The following OSBPL11 variants were observed in gnomAD, a reference collection of about 807,000 sequenced individuals.
The protein encoded by OSBPL11 is oxysterol-binding protein-related protein 11.
Under a neutral mutation model 84.4 loss-of-function variants are expected in OSBPL11, and 33 were observed. The observed-to-expected ratio is 0.39, with a 90% CI of 0.30 to 0.52. The LOEUF is 0.52. OSBPL11 is among the 20% of genes least tolerant of loss of function. The probability of loss-of-function intolerance (pLI) is 0.72; values close to 1 mark genes in which losing one functional copy is unlikely to be tolerated. For synonymous variants in OSBPL11, 276 were observed against 310.2 expected (o/e 0.89, Z 1.16); for missense variants, 736 against 901.1 (o/e 0.82, Z 2.35).
chr3:125,535,049 A>G (rs72979705), intron 11 of OSBPL11, among the ~76,000 whole-genome samples: 14,222 of 150,336 alleles, frequency 0.095, 1,377 homozygotes, highest in African/African-American at 0.25. Context: ...GAAAGAAAAC[A>G]AACATAGATT....
intron 10 of OSBPL11, among the ~76,000 whole-genome samples, chr3:125,540,054 C>T (rs983985994): frequency 6.6e-6 from 1 of 152,092 alleles, no homozygotes; most frequent in Non-Finnish European, 1.5e-5. Flanking sequence ...GAACTCAGCT[C>T]AAGGCAGAGG....
Position 125,585,666 on chromosome 3 carries a change from T to C in OSBPL11, c.165-2688A>G, listed in dbSNP as rs576596715. 1.2e-4 allele frequency among the ~76,000 whole-genome samples: 19 copies of C among 152,308 alleles called. No individual in the cohort carries two copies. The South Asian group carries it at 3.7e-3, about 30-fold the overall frequency. ...TTATTTTTATTATATAAAACAGCTG[T>C]CTCCAGGTTACAAAGAACCAACTTG... On this transcript the variant is annotated intron_variant, in intron 1 of 12. Transcript: ENST00000296220.
chr3:125,571,633 T>C (rs911445481), intron 5 of OSBPL11, among the ~76,000 whole-genome samples: 2 of 152,174 alleles, frequency 1.3e-5, no homozygotes, highest in African/African-American at 2.4e-5. Flanking sequence ...GGGGTCAACG[T>C]AGAGCTCGTC....
chr3:125,556,865 G>A (rs1935997721), intron 8 of OSBPL11, among the ~76,000 whole-genome samples: 1 of 152,124 alleles, frequency 6.6e-6, no homozygotes, highest in Admixed American at 6.5e-5. Context: ...TAAATTAGAG[G>A]GGAACTCAGA....
intron 9 of OSBPL11, among the ~76,000 whole-genome samples, chr3:125,549,425 A>G (rs1420659870): frequency 6.6e-6 from 1 of 152,172 alleles, no homozygotes; most frequent in Non-Finnish European, 1.5e-5. Context: ...AATTATTTAC[A>G]TACCTCCTTT....
At chr3:125,568,046 T>C (rs1305716383) in intron 5 of OSBPL11, among the ~76,000 whole-genome samples, 2 of 148,654 alleles carry the variant, frequency 1.3e-5, no homozygotes, top group Non-Finnish European at 3.0e-5. Flanking sequence ...TAAAAGTTCG[T>C]TTGGCTATCT....
intron 1 of OSBPL11, among the ~76,000 whole-genome samples, chr3:125,588,477 C>G (rs1436686287): frequency 6.6e-6 from 1 of 152,132 alleles, no homozygotes; most frequent in Non-Finnish European, 1.5e-5. Context: ...CTATATATAT[C>G]TACCTATTGG....
chr3:125,566,551 A>T (rs1018387265), intron 6 of OSBPL11, among the ~76,000 whole-genome samples: 2 of 152,114 alleles, frequency 1.3e-5, no homozygotes, highest in Non-Finnish European at 2.9e-5. Flanking sequence ...ACCTTTCTAA[A>T]ATACCTTTCT....
At position 125,529,809 on chromosome 3, in the gene OSBPL11, A is replaced by G. The variant is rs960586646; in HGVS notation, c.*706T>C. 3.3e-5 allele frequency: 5 copies of G among 152,656 alleles called. No homozygotes were observed. Among genetic ancestry groups the G allele is most frequent in the African/African-American group, 1.2e-4 (5 of 41,448 alleles). 9.5% of individuals were successfully genotyped at this position (152,656 alleles called of 1,614,324 possible). A position where few individuals can be genotyped will look rare whatever the true frequency, so the allele number is the denominator to read the frequency against. ...AAATGTTCTGAAATTTTTCAAGTCA[A>G]TGTTGTTTTCAAGTATATTAAAATG... On this transcript the variant is annotated 3_prime_UTR_variant, in exon 13 of 13. Coordinates refer to ENST00000296220, the MANE Select transcript of OSBPL11 (RefSeq NM_022776.5).
chr3:125,569,229 G>A (rs1324654904), intron 5 of OSBPL11, among the ~76,000 whole-genome samples: 6 of 152,028 alleles, frequency 3.9e-5, no homozygotes, highest in East Asian at 3.9e-4. Flanking sequence ...GATTACAGGC[G>A]TGAGTCACTG....
chr3:125,568,202 C>A (rs1936189801), intron 5 of OSBPL11, among the ~76,000 whole-genome samples: 1 of 152,054 alleles, frequency 6.6e-6, no homozygotes, highest in East Asian at 1.9e-4. Flanking sequence ...GAGGCCGAGG[C>A]AGGCAGATCA....
chr3:125,574,480 G>GT (rs56689283), intron 5 of OSBPL11, among the ~76,000 whole-genome samples: 16,995 of 135,326 alleles, frequency 0.13, 1,047 homozygotes, highest in African/African-American at 0.14. Context: ...CTGATTAGCA[G>GT]TTTTTTTTTT....
In OSBPL11 at chr3:125,547,147, T is replaced by A. The variant is rs576937552; in HGVS notation, c.1841+259A>T. On this transcript the variant is annotated intron_variant, in intron 10 of 12. Transcript: ENST00000296220. ...GCAGAATTGGGCCAGAGACTGCATG[T>A]TCACTTGTTAGAAATTCTACTATAA... Among the ~76,000 whole-genome samples, 30 of 152,338 alleles carry A rather than the reference T, an allele frequency of 2.0e-4. No homozygotes were observed. The South Asian group carries it at 6.2e-3, about 32-fold the overall frequency.
In OSBPL11 at chr3:125,529,867, C is replaced by T. The variant is rs961042642; in HGVS notation, c.*648G>A. 1.3e-5 allele frequency: 2 copies of T among 152,670 alleles called. No individual in the cohort carries two copies. Among genetic ancestry groups the T allele is most frequent in the Middle Eastern group, 3.4e-3 (1 of 294 alleles). 9.5% of individuals were successfully genotyped at this position (152,670 alleles called of 1,614,324 possible). On this transcript the variant is annotated 3_prime_UTR_variant, in exon 13 of 13. Transcript: ENST00000296220. ...GAAAAAATTCTCCATGGTTATAATT[C>T]TGATCAATCTATAAATGTACTTTTT...
chr3:125,547,230 C>T (rs1935833394), intron 10 of OSBPL11, among the ~76,000 whole-genome samples, 176 bp downstream of exon 10: 1 of 152,124 alleles, frequency 6.6e-6, no homozygotes, highest in South Asian at 2.1e-4. Context: ...AATGTTACTA[C>T]TTTTAAAAAC....
intron 8 of OSBPL11, among the ~76,000 whole-genome samples, chr3:125,555,931 C>T (rs1029682412): frequency 2.0e-5 from 3 of 152,186 alleles, no homozygotes; most frequent in East Asian, 3.9e-4. Flanking sequence ...GATCTGCCTG[C>T]TTTGGCCTCC....
intron 8 of OSBPL11, among the ~76,000 whole-genome samples, chr3:125,557,791 C>CTTTTTTTTTT (rs11295103): frequency 1.2e-5 from 1 of 81,976 alleles, no homozygotes; most frequent in Non-Finnish European, 2.2e-5. Context: ...ATACAACTTT[C>CTTTTTTTTTT]TTTTTTTTTT....
chr3:125,576,311 G>A lies in OSBPL11; in HGVS notation c.544C>T (p.Pro182Ser), dbSNP rs1295979233. 3 of 1,608,514 alleles carry A rather than the reference G, an allele frequency of 1.9e-6. No individual in the cohort carries two copies. Among genetic ancestry groups the A allele is most frequent in the Admixed American group, 1.7e-5 (1 of 58,418 alleles). Residue 182 changes from proline to serine, a missense_variant, in exon 5 of 13, where the codon CCT becomes TCT. Around this residue, in one of 3 missense-constraint regions of OSBPL11, gnomAD observed 579 missense variants for 717.6 expected, o/e 0.81. Coordinates refer to ENST00000296220, the MANE Select transcript of OSBPL11 (RefSeq NM_022776.5). ...TGACTTGGTCTCCTCTGCGATATAGGAGAATTACTACTAGATGCAAGTGAG... is the reference window on the plus strand; with the variant it reads ...TGACTTGGTCTCCTCTGCGATATAGAAGAATTACTACTAGATGCAAGTGAG... ...SFSLASSSNS[P>S]ISQRRPSQNA... is the part of the protein sequence containing the mutation.
chr3:125,572,405 T>C (rs1936256038), intron 5 of OSBPL11, among the ~76,000 whole-genome samples: 1 of 152,122 alleles, frequency 6.6e-6, no homozygotes, highest in Non-Finnish European at 1.5e-5. Flanking sequence ...TGATTAGTTT[T>C]GAAATGTGAG....
Sources: gnomAD v4.1 joint callset for allele counts (sites outside exome capture counted in the v4.1 genomes callset) on GRCh38, gnomAD v4.1.1 for gene constraint, gnomAD v4.1.1 regional missense constraint, MANE v1.5 for transcripts, NCBI Gene and HGNC (gene_info 2026-07-23, HGNC 2026-07-21) for gene names.